Variants in CEP131 observed in about 807,000 individuals in gnomAD.
CEP131 encodes the protein centrosomal protein of 131 kDa.
A neutral mutation model predicts 136.8 loss-of-function variants in CEP131; 99 were observed. That is an observed-to-expected ratio of 0.72 (90% CI 0.62 to 0.86). The LOEUF is 0.86. Ranked by LOEUF, CEP131 falls within the 40% of genes least tolerant of loss-of-function variation. The probability of loss-of-function intolerance (pLI) is 0.00; values close to 1 mark genes in which losing one functional copy is unlikely to be tolerated. For missense variants in CEP131, 1,459 were observed against 1,463.0 expected, an observed-to-expected ratio of 1.00 and a Z score of 0.04; for synonymous variants, 646 against 612.7, an observed-to-expected ratio of 1.05 and a Z score of -0.80.
rs753532209 is a variant in CEP131 at position 81,196,786 on chromosome 17, G to A, written c.1814C>T (p.Thr605Ile). The A allele has an allele frequency of 6.3e-7, 1 of 1,587,370 alleles. No homozygotes were observed. Among genetic ancestry groups the A allele is most frequent in the Non-Finnish European group, 8.6e-7 (1 of 1,167,734 alleles). ...RDLTARRVKE[T>I]EKALSRQLQR... ...CAGCTGCCGGCTCAGCGCCTTCTCT[G>A]TCTCCTTGACCCGCCGGGCCGTGAG... The change falls in exon 15 of 26, where the codon ACA becomes ATA. Residue 605 changes from threonine to isoleucine, a missense_variant. Thr to Ile is a moderately conservative substitution (Grantham distance 89). Around this residue, in one of 3 missense-constraint regions of CEP131, gnomAD observed 1,026 missense variants for 964.2 expected, o/e 1.06. Coordinates refer to ENST00000450824, the MANE Select transcript of CEP131 (RefSeq NM_014984.4).
intron 16 of CEP131, 94 bp from the exon 17 acceptor site, chr17:81,195,066 C>T (rs976370750): frequency 2.4e-5 from 22 of 923,200 alleles, no homozygotes; most frequent in Non-Finnish European, 3.4e-5. Flanking sequence ...CTTCCAGGTC[C>T]ACCAGCACAA....
intron 11 of CEP131, 46 bp downstream of exon 11, chr17:81,198,831 T>G: frequency 1.9e-6 from 3 of 1,542,904 alleles, no homozygotes; most frequent in Non-Finnish European, 2.6e-6. Context: ...GACATGGCCC[T>G]TAAAGCCAAA....
intron 2 of CEP131, 71 bp from the exon 3 acceptor site, chr17:81,209,093 C>G (rs1313912532): frequency 8.4e-7 from 1 of 1,191,216 alleles, no homozygotes; most frequent in African/African-American, 1.5e-5. Flanking sequence ...CCTCCGCCAG[C>G]TTTGGAGAAA....
intron 21 of CEP131, 147 bp downstream of exon 21, chr17:81,192,171 C>T (rs1598265064): frequency 1.8e-5 from 13 of 720,770 alleles, no homozygotes; most frequent in East Asian, 2.7e-5. Context: ...TCAGTTCAGA[C>T]AACAACCCCA....
chr17:81,203,950 C>G lies in CEP131; in HGVS notation c.516-343G>C, dbSNP rs914012168. On this transcript the variant is annotated intron_variant, in intron 5 of 25. Coordinates refer to ENST00000450824, the MANE Select transcript of CEP131 (RefSeq NM_014984.4). This position sits in a 1 kb window ranked among gnomAD's most constrained non-coding sequence, Gnocchi z 4.6. ...CACAGAAGCGAAGCCCCATCCCACACGACGGATGGAAGCCACATTCTCTGC... is the reference window on the plus strand; with the variant it reads ...CACAGAAGCGAAGCCCCATCCCACAGGACGGATGGAAGCCACATTCTCTGC... The G allele has an allele frequency of 4.1e-6, 1 of 241,366 alleles. No individual in the cohort carries two copies. The highest frequency in any genetic ancestry group is 5.4e-5 in the Admixed American group (1 of 18,522). The allele number at this position is 241,366 out of a possible 1,614,324, so 15.0% of individuals were successfully genotyped here. A position where few individuals can be genotyped will look rare whatever the true frequency, so the allele number is the denominator to read the frequency against.
Position 81,193,913 on chromosome 17 carries a change from G to A in CEP131, c.2321+13C>T. The A allele has an allele frequency of 6.5e-7, 1 of 1,532,512 alleles. No individual in the cohort carries two copies. The highest frequency in any genetic ancestry group is 8.8e-7 in the Non-Finnish European group (1 of 1,142,404). 94.9% of individuals were successfully genotyped at this position (1,532,512 alleles called of 1,614,324 possible). ...GAGGGTCCTGGCCCCACCGGCCTGG[G>A]GCCACCACCCACCGCTGCCGAGCAC... On this transcript the variant is annotated intron_variant, in intron 18 of 25. Transcript: ENST00000450824.
chr17:81,197,882 C>A lies in CEP131; in HGVS notation c.1477G>T (p.Asp493Tyr). 8.1e-6 allele frequency: 13 copies of A among 1,612,084 alleles called. No individual in the cohort carries two copies. Among genetic ancestry groups the A allele is most frequent in the Non-Finnish European group, 1.0e-5 (12 of 1,179,354 alleles). ...TTGTCAGCTGTCAGAGAGCTGGCGT[C>A]ATCCTCCTGTGGGACAGGAGCCCAG... ...GRYAWASEED[D>Y]ASSLTADNLE... is the part of the protein sequence containing the mutation. The change falls in exon 13 of 26, where the codon GAC becomes TAC. Residue 493 changes from aspartate to tyrosine, a missense_variant. Asp to Tyr is a radical substitution (Grantham distance 160). Coordinates refer to ENST00000450824, the MANE Select transcript of CEP131 (RefSeq NM_014984.4).
Position 81,196,739 on chromosome 17 carries a change from C to T in CEP131, c.1861G>A (p.Glu621Lys), listed in dbSNP as rs773783855. 10 of 1,603,268 alleles carry T rather than the reference C, an allele frequency of 6.2e-6. No homozygotes were observed. Among genetic ancestry groups the T allele is most frequent in the Non-Finnish European group, 7.6e-6 (9 of 1,177,158 alleles). ...RQLQRQREHY[E>K]ATIQRHLAFI... ...GCCAAGTGCCGCTGGATGGTGGCCT[C>T]GTAGTGCTCCCTCTGCCGCTGCAGC... is the stretch of plus-strand genomic sequence containing the variant. The change falls in exon 15 of 26, where the codon GAG becomes AAG. Residue 621 changes from glutamate to lysine, a missense_variant. Physicochemically the swap from Glu to Lys is moderately conservative, Grantham distance 56. Around this residue, in one of 3 missense-constraint regions of CEP131, gnomAD observed 1,026 missense variants for 964.2 expected, o/e 1.06. Coordinates refer to ENST00000450824, the MANE Select transcript of CEP131 (RefSeq NM_014984.4).
intron 2 of CEP131, among the ~76,000 whole-genome samples, chr17:81,213,474 G>A (rs761314527): frequency 3.3e-5 from 5 of 151,820 alleles, no homozygotes; most frequent in Non-Finnish European, 5.9e-5. Flanking sequence ...TAGGAAAATC[G>A]CTTGAACCCG....
rs2061930547 is a variant in CEP131 at position 81,203,131 on chromosome 17, C to T, written c.629+363G>A. Among the ~76,000 whole-genome samples, 1 of 152,184 alleles carries T rather than the reference C, an allele frequency of 6.6e-6. No homozygotes were observed. Among genetic ancestry groups the T allele is most frequent in the Non-Finnish European group, 1.5e-5 (1 of 68,018 alleles). On this transcript the variant is annotated intron_variant, in intron 6 of 25. Coordinates refer to ENST00000450824, the MANE Select transcript of CEP131 (RefSeq NM_014984.4). The surrounding 1 kb of genome is among the most constrained non-coding windows in gnomAD (Gnocchi z 4.6). Reference sequence around the variant, plus strand: ...CGGTCCACCCCCGCTGTGACGCCTTCTGGGCTCTGCACAAGCCTTGGCTTC... The same window carrying T: ...CGGTCCACCCCCGCTGTGACGCCTTTTGGGCTCTGCACAAGCCTTGGCTTC...
Position 81,207,152 on chromosome 17 carries a change from G to T in CEP131, c.360C>A (p.Ser120Arg), listed in dbSNP as rs766135433. The change falls in exon 4 of 26, where the codon AGC becomes AGA. Residue 120 changes from serine (S) to arginine (R), a missense_variant. By Grantham distance (110) the Ser-to-Arg change is moderately radical. Transcript: ENST00000450824. Reference protein sequence around the residue: ...KRPASLSTAPSEKGATWNVLD... With the variant: ...KRPASLSTAPREKGATWNVLD... ...GGACGTTCCAGGTGGCTCCCTTCTC[G>T]CTGGGGGCTGTGCTCAGGCTGGCAG... 1.2e-6 allele frequency: 2 copies of T among 1,613,164 alleles called. No homozygotes were observed. The highest frequency in any genetic ancestry group is 1.7e-6 in the Non-Finnish European group (2 of 1,179,778).
rs762116519 is a variant in CEP131 at position 81,190,900 on chromosome 17, C to A, written c.2943+7G>T. 3.8e-6 allele frequency: 6 copies of A among 1,599,870 alleles called. No homozygotes were observed. The Admixed American group carries it at 5.0e-5, about 13-fold the overall frequency. On this transcript the variant is annotated splice_region_variant and intron_variant, in intron 23 of 25. Coordinates refer to ENST00000450824, the MANE Select transcript of CEP131 (RefSeq NM_014984.4). ...GCCCACTGCCCACCTGACACCCGCC[C>A]ACTCACCGCCTGCGCATCCTCCAGC...
In CEP131 at chr17:81,196,780, TTC is replaced by T. The variant is rs1324079041; in HGVS notation, c.1818_1819del (p.Lys607GlyfsTer25). On this transcript the variant is annotated frameshift_variant, in exon 15 of 26. Transcript: ENST00000450824. LOFTEE classifies it high-confidence loss of function. ...CCGCTGCAGCTGCCGGCTCAGCGCC[TTC>T]TCTGTCTCCTTGACCCGCCGGGCCG... 8 of 1,588,416 alleles carry T rather than the reference TTC, an allele frequency of 5.0e-6. No homozygotes were observed. The highest frequency in any genetic ancestry group is 6.8e-6 in the Non-Finnish European group (8 of 1,168,446).
In CEP131 at chr17:81,203,351, C is replaced by T; in HGVS notation, c.629+143G>A. Reference sequence around the variant, plus strand: ...CCTGACCGAGGTTGGACCCCATGCACACTGACCGCATGCCCTGACCAAGGT... The same window carrying T: ...CCTGACCGAGGTTGGACCCCATGCATACTGACCGCATGCCCTGACCAAGGT... On this transcript the variant is annotated intron_variant, in intron 6 of 25. Transcript: ENST00000450824. This position sits in a 1 kb window ranked among gnomAD's most constrained non-coding sequence, Gnocchi z 4.6. 1.5e-6 allele frequency: 1 copy of T among 660,822 alleles called. No homozygotes were observed. The highest frequency in any genetic ancestry group is 1.9e-5 in the South Asian group (1 of 53,842). 40.9% of individuals were successfully genotyped at this position (660,822 alleles called of 1,614,324 possible).
chr17:81,202,805 C>G (rs935118068), intron 6 of CEP131, among the ~76,000 whole-genome samples: 22 of 151,982 alleles, frequency 1.4e-4, no homozygotes, highest in African/African-American at 5.1e-4. Flanking sequence ...CTACTAAAAA[C>G]ACAAAAAAAT....
In CEP131 at chr17:81,196,843, G is replaced by C. The variant is rs373067506; in HGVS notation, c.1774-17C>G. ...CTGCTGCGCCTGCAGGGTGTGGGCA[G>C]AGGAGGGAAGCGCTAGGACCGGTGG... On this transcript the variant is annotated splice_polypyrimidine_tract_variant and intron_variant, in intron 14 of 25. Coordinates refer to ENST00000450824, the MANE Select transcript of CEP131 (RefSeq NM_014984.4). The C allele has an allele frequency of 3.8e-6, 6 of 1,598,278 alleles. No individual in the cohort carries two copies. In the African/African-American group the frequency reaches 6.7e-5, roughly 18 times the overall value.
rs1456684812 is a variant in CEP131 at position 81,208,666 on chromosome 17, C to T, written c.272+262G>A. Among the ~76,000 whole-genome samples the T allele has an allele frequency of 1.3e-5, 2 of 152,192 alleles. No homozygotes were observed. Among genetic ancestry groups the T allele is most frequent in the Admixed American group, 1.3e-4 (2 of 15,288 alleles). On this transcript the variant is annotated intron_variant, in intron 3 of 25. Coordinates refer to ENST00000450824, the MANE Select transcript of CEP131 (RefSeq NM_014984.4). The surrounding 1 kb of genome is among the most constrained non-coding windows in gnomAD (Gnocchi z 5.6). ...TTCAGCGGAGCCCTCAGGCAGGGTCCCAGCAGCCGCCGGGACAGCAAGGAG... is the reference window on the plus strand; with the variant it reads ...TTCAGCGGAGCCCTCAGGCAGGGTCTCAGCAGCCGCCGGGACAGCAAGGAG...
In CEP131 at chr17:81,192,406, A is replaced by AT. The variant is rs754758468; in HGVS notation, c.2548-15dup. ...ATTCAGCTCCATCTGGGGGGCGGAC[A>AT]TAAGAGGCCAGTCAGTCCCACCCCG... On this transcript the variant is annotated splice_polypyrimidine_tract_variant and intron_variant, in intron 20 of 25. Transcript: ENST00000450824. 1 of 1,610,890 alleles carries AT rather than the reference A, an allele frequency of 6.2e-7. No homozygotes were observed. Among genetic ancestry groups the AT allele is most frequent in the South Asian group, 1.1e-5 (1 of 90,772 alleles).
At chr17:81,198,797 T>A (rs2061824534) in intron 11 of CEP131, 80 bp downstream of exon 11, 1 of 1,405,086 alleles carries the variant, frequency 7.1e-7, no homozygotes, top group African/African-American at 1.4e-5. Flanking sequence ...TGGGAGAAGC[T>A]CAGCTCAGGA....
Sources: allele counts gnomAD v4.1 joint callset (sites outside exome capture counted in the v4.1 genomes callset), GRCh38; gene constraint gnomAD v4.1.1; regional missense constraint gnomAD v4.1.1; non-coding constraint Gnocchi (gnomAD v3.1); transcripts MANE v1.5; gene names NCBI Gene and HGNC (gene_info 2026-07-23, HGNC 2026-07-21).